The following ZDHHC11 variants were observed in gnomAD, a reference collection of about 807,000 sequenced individuals.
ZDHHC11 encodes the protein palmitoyltransferase ZDHHC11.
Under a neutral mutation model 51.3 loss-of-function variants are expected in ZDHHC11, and 44 were observed. The ratio of observed to expected loss-of-function variants is 0.86; its 90% CI spans 0.67 to 1.10. The LOEUF is 1.10. Ranked by LOEUF, ZDHHC11 falls within the 50% of genes least tolerant of loss-of-function variation. ZDHHC11 has a pLI of 0.00. For missense variants in ZDHHC11, 400 were observed against 537.7 expected, an observed-to-expected ratio of 0.74 and a Z score of 2.53; for synonymous variants, 163 against 222.0, an observed-to-expected ratio of 0.73 and a Z score of 2.36.
At chr5:802,573 G>T (rs1258778287) in intron 11 of ZDHHC11, among the ~76,000 whole-genome samples, 1 of 150,482 alleles carries the variant, frequency 6.6e-6, no homozygotes, top group East Asian at 1.9e-4. Flanking sequence ...AAGCTATAGA[G>T]GCTGGTCCTT....
At chr5:823,745 A>G (rs1741876718) in intron 8 of ZDHHC11, 1 of 243,124 alleles carries the variant, frequency 4.1e-6, no homozygotes, top group Non-Finnish European at 8.5e-6. Flanking sequence ...ACCAGGCCTC[A>G]TGTGGCTTCA....
intron 10 of ZDHHC11, among the ~76,000 whole-genome samples, chr5:816,074 C>T (rs1018418504): frequency 8.6e-5 from 13 of 151,444 alleles, no homozygotes; most frequent in African/African-American, 3.1e-4. Flanking sequence ...AAATCTTTTG[C>T]CCATTTGAAA....
intron 3 of ZDHHC11, among the ~76,000 whole-genome samples, chr5:846,572 G>A (rs557493718): frequency 9.4e-4 from 140 of 148,940 alleles, no homozygotes; most frequent in Admixed American, 9.1e-3. Flanking sequence ...ACCGTGCTCA[G>A]GGGAAACACC....
rs577247549 is a variant in ZDHHC11 at position 850,374 on chromosome 5, A to G, written c.222+7T>C. On this transcript the variant is annotated splice_region_variant and intron_variant, in intron 1 of 12. Transcript: ENST00000283441. ...CCGCTTAGACCATGCCACGATGAAA[A>G]GGATACCACGTAGGCAATGTATTTC... 3.7e-6 allele frequency: 6 copies of G among 1,613,350 alleles called. No individual in the cohort carries two copies. The highest frequency in any genetic ancestry group is 2.2e-5 in the South Asian group (2 of 91,064).
At chr5:849,113 C>G (rs1040709491) in intron 1 of ZDHHC11, among the ~76,000 whole-genome samples, 8 of 152,188 alleles carry the variant, frequency 5.3e-5, no homozygotes, top group Non-Finnish European at 7.3e-5. Flanking sequence ...ACCCGTCGGC[C>G]CTGCACACAC....
At chr5:847,978 T>A (rs1194474517) in intron 2 of ZDHHC11, among the ~76,000 whole-genome samples, 3 of 151,822 alleles carry the variant, frequency 2.0e-5, no homozygotes, top group African/African-American at 7.3e-5. Flanking sequence ...ATCCCACCTG[T>A]GCCTACAGGG....
At chr5:805,367 G>T (rs1739096860) in intron 11 of ZDHHC11, among the ~76,000 whole-genome samples, 1 of 150,786 alleles carries the variant, frequency 6.6e-6, no homozygotes, top group African/African-American at 2.4e-5. Flanking sequence ...GAGCCCAGGA[G>T]TAGGAGGTTG....
intron 11 of ZDHHC11, among the ~76,000 whole-genome samples, chr5:809,019 A>ACTATTTAT (rs1739729604): frequency 1.3e-5 from 2 of 148,278 alleles, no homozygotes; most frequent in Non-Finnish European, 3.0e-5. Context: ...ACACACGCAC[A>ACTATTTAT]CTATTTATTC....
At position 850,611 on chromosome 5, in the gene ZDHHC11, C is replaced by T. The variant is rs553507992; in HGVS notation, c.-9G>A. 37 of 1,612,778 alleles carry T rather than the reference C, an allele frequency of 2.3e-5. No homozygotes were observed. In the East Asian group the frequency reaches 7.1e-4, roughly 31 times the overall value. ...CCGGAGCGGGTGTCCATCTGCAGGA[C>T]ACAGAAGGGGAGGACCTGCGCCGTC... On this transcript the variant is annotated 5_prime_UTR_variant, in exon 1 of 13. Coordinates refer to ENST00000283441, the MANE Select transcript of ZDHHC11 (RefSeq NM_024786.3).
chr5:860,156 G>A (rs1392735570), upstream of ZDHHC11, among the ~76,000 whole-genome samples: 1 of 152,184 alleles, frequency 6.6e-6, no homozygotes, highest in Non-Finnish European at 1.5e-5. This position sits in a 1 kb window ranked among gnomAD's most constrained non-coding sequence, Gnocchi z 4.2. Flanking sequence ...TGGGGCGGGT[G>A]CCCAGGACGA....
chr5:800,467 C>T (rs1295882159), intron 12 of ZDHHC11, among the ~76,000 whole-genome samples: 18 of 150,826 alleles, frequency 1.2e-4, no homozygotes, highest in African/African-American at 4.2e-4. Flanking sequence ...TGTTTCTTAG[C>T]TGAGGGGATA....
At chr5:855,634 C>CAG (rs1393533062), upstream of ZDHHC11, among the ~76,000 whole-genome samples, 3 of 142,010 alleles carry the variant, frequency 2.1e-5, no homozygotes, top group Middle Eastern at 5.0e-3. Context: ...GGACAGTGAG[C>CAG]TGGGGGGCAC....
intron 7 of ZDHHC11, among the ~76,000 whole-genome samples, chr5:831,342 C>T (rs531693273): frequency 2.0e-5 from 3 of 149,440 alleles, no homozygotes; most frequent in East Asian, 4.0e-4. Context: ...CCAGTCCTTT[C>T]GGAGGCTGGG....
rs533627889 is a variant in ZDHHC11, at chr5:813,865, G to T, written c.1181+896C>A. Among the ~76,000 whole-genome samples the T allele has an allele frequency of 1.6e-3, 232 of 142,208 alleles. 11 individuals are homozygous for T. Among genetic ancestry groups the T allele is most frequent in the Non-Finnish European group, 2.8e-3 (185 of 67,062 alleles). 93.3% of individuals were successfully genotyped at this position (142,208 alleles called of 152,430 possible). A position where few individuals can be genotyped will look rare whatever the true frequency, so the allele number is the denominator to read the frequency against. ...AGGCTGTGTCAGTGTGAGAGAGTGT[G>T]ACTGTGTGCGAGTGTGTGTGTGTGC... On this transcript the variant is annotated intron_variant, in intron 11 of 12. Transcript: ENST00000283441.
At chr5:806,664 A>T (rs383992) in intron 11 of ZDHHC11, among the ~76,000 whole-genome samples, 3 of 150,816 alleles carry the variant, frequency 2.0e-5, no homozygotes, top group Admixed American at 2.0e-4. Context: ...GAATATATAA[A>T]AACTCTATAA....
intron 6 of ZDHHC11, among the ~76,000 whole-genome samples, chr5:836,045 C>T (rs570212782): frequency 1.0e-4 from 14 of 135,534 alleles, no homozygotes; most frequent in Admixed American, 2.1e-4. Flanking sequence ...CTTCATTTTC[C>T]CTGCTATGCT....
intron 3 of ZDHHC11, among the ~76,000 whole-genome samples, chr5:844,034 G>A (rs1009291216): frequency 1.4e-5 from 2 of 141,584 alleles, no homozygotes; most frequent in African/African-American, 5.5e-5. Context: ...GGTGTGGGGG[G>A]CGCAGGGGTG....
chr5:811,716 T>A (rs945149669), intron 11 of ZDHHC11, among the ~76,000 whole-genome samples: 1 of 151,464 alleles, frequency 6.6e-6, no homozygotes, highest in Non-Finnish European at 1.5e-5. Flanking sequence ...ATATTTAATA[T>A]AATTTTGCTC....
At chr5:859,233 T>C (rs1443829959), upstream of ZDHHC11, among the ~76,000 whole-genome samples, 1 of 152,060 alleles carries the variant, frequency 6.6e-6, no homozygotes, top group African/African-American at 2.4e-5. Flanking sequence ...TGCCTGCTTG[T>C]CGGCCTCCCC....
Sources: gnomAD v4.1 joint callset for allele counts (sites outside exome capture counted in the v4.1 genomes callset) on GRCh38, gnomAD v4.1.1 for gene constraint, Gnocchi (gnomAD v3.1) non-coding constraint, MANE v1.5 for transcripts, NCBI Gene and HGNC (gene_info 2026-07-23, HGNC 2026-07-21) for gene names.